OSMR: variants seen among roughly 807,000 people sequenced by gnomAD.
OSMR encodes oncostatin-M-specific receptor subunit beta.
Under a neutral mutation model 99.9 loss-of-function variants are expected in OSMR, and 81 were observed. The ratio of observed to expected loss-of-function variants is 0.81; its 90% confidence interval spans 0.68 to 0.97. The LOEUF is 0.97. Ranked by LOEUF, OSMR falls within the 50% of genes least tolerant of loss-of-function variation. The probability of loss-of-function intolerance (pLI) is 0.00; values close to 1 mark genes in which losing one functional copy is unlikely to be tolerated. For synonymous variants in OSMR, 406 were observed against 410.4 expected, an observed-to-expected ratio of 0.99 and a Z score of 0.13; for missense variants, 1,099 against 1,153.4, an observed-to-expected ratio of 0.95 and a Z score of 0.68.
intron 12 of OSMR, among the ~76,000 whole-genome samples, chr5:38,922,583 T>C (rs908102035): frequency 1.2e-4 from 18 of 152,232 alleles, no homozygotes; most frequent in African/African-American, 3.9e-4. Flanking sequence ...ACAGGCATAG[T>C]TGAGAACTCT....
Position 38,934,349 on chromosome 5 carries a change from T to G in OSMR, c.*905T>G, listed in dbSNP as rs1746918848. ...TAGGTTGTCTGGGTCAAGATAACTC[T>G]CAGTCACATTTATATTCATATTATG... On this transcript the variant is annotated 3_prime_UTR_variant, in exon 18 of 18. Coordinates refer to ENST00000274276, the MANE Select transcript of OSMR (RefSeq NM_003999.3). 1 of 152,448 alleles carries G rather than the reference T, an allele frequency of 6.6e-6. No homozygotes were observed. The highest frequency in any genetic ancestry group is 2.1e-4 in the South Asian group (1 of 4,830). The allele number at this position is 152,448 out of a possible 1,614,324, so 9.4% of individuals were successfully genotyped here.
At chr5:38,886,354 C>T (rs559194029) in intron 7 of OSMR, 164 bp downstream of exon 7, 41 of 1,443,716 alleles carry the variant, frequency 2.8e-5, no homozygotes, top group East Asian at 1.2e-4. Flanking sequence ...CATGGATGCA[C>T]GCATCCCCTA....
intron 7 of OSMR, among the ~76,000 whole-genome samples, chr5:38,889,157 T>C (rs574163027): frequency 6.6e-6 from 1 of 152,250 alleles, no homozygotes; most frequent in African/African-American, 2.4e-5. Flanking sequence ...TCTAGGTTGA[T>C]GTGTTCAGTA....
chr5:38,923,209 A>T lies in OSMR; in HGVS notation c.1825A>T (p.Ile609Phe). ...FRIYGLSTKR[I>F]ACLLEKKTGY... ...AATTTATGGGTTATCTACAAAAAGGATTGCTTGTTTATTAGAGAAAAAAAC... is the reference window on the plus strand; with the variant it reads ...AATTTATGGGTTATCTACAAAAAGGTTTGCTTGTTTATTAGAGAAAAAAAC... The change falls in exon 13 of 18, where the codon ATT (isoleucine) becomes TTT (phenylalanine). Residue 609 changes from isoleucine (I) to phenylalanine (F), a missense_variant. Transcript: ENST00000274276. 1.2e-6 allele frequency: 2 copies of T among 1,612,954 alleles called. No individual in the cohort carries two copies. Among genetic ancestry groups the T allele is most frequent in the South Asian group, 1.1e-5 (1 of 91,032 alleles).
intron 3 of OSMR, among the ~76,000 whole-genome samples, chr5:38,881,278 A>C (rs1215249915): frequency 6.6e-6 from 1 of 152,062 alleles, no homozygotes; most frequent in African/African-American, 2.4e-5. Context: ...TGGCACAGTG[A>C]GCACCTTCTG....
chr5:38,885,910 T>C, intron 6 of OSMR, 129 bp from the exon 7 acceptor site: 1 of 1,477,024 alleles, frequency 6.8e-7, no homozygotes, highest in Non-Finnish European at 8.9e-7. Context: ...TGGTGATGGA[T>C]GGATCAATGC....
intron 1 of OSMR, among the ~76,000 whole-genome samples, chr5:38,848,806 CT>C (rs1378253713): frequency 6.6e-6 from 1 of 152,162 alleles, no homozygotes; most frequent in Non-Finnish European, 1.5e-5. Context: ...GATGGTCTCA[CT>C]CTGTCACACA....
intron 1 of OSMR, among the ~76,000 whole-genome samples, chr5:38,854,289 C>G (rs1472686133): frequency 6.6e-6 from 1 of 152,174 alleles, no homozygotes; most frequent in Non-Finnish European, 1.5e-5. Flanking sequence ...CACGCTGCTT[C>G]TCATGGGCAT....
At chr5:38,901,907 G>T (rs1279668224) in intron 7 of OSMR, among the ~76,000 whole-genome samples, 1 of 152,114 alleles carries the variant, frequency 6.6e-6, no homozygotes, top group East Asian at 1.9e-4. Context: ...ACTCAAAGAG[G>T]CCTACCAGCT....
intron 1 of OSMR, among the ~76,000 whole-genome samples, chr5:38,854,184 T>C (rs1391397843): frequency 6.6e-6 from 1 of 152,188 alleles, no homozygotes; most frequent in Non-Finnish European, 1.5e-5. Flanking sequence ...GCTTCTTCCT[T>C]TAAAATGGCA....
chr5:38,935,645 T>C (rs1746983442), downstream of OSMR: 1 of 152,218 alleles, frequency 6.6e-6, no homozygotes, highest in Non-Finnish European at 1.5e-5. Flanking sequence ...ATCATCACAT[T>C]GTGTTTTATC....
chr5:38,910,023 A>T (rs924381333), intron 9 of OSMR, among the ~76,000 whole-genome samples: 3 of 152,250 alleles, frequency 2.0e-5, no homozygotes, highest in African/African-American at 7.2e-5. Flanking sequence ...AAGTAAAGGG[A>T]TGCAGAAAAA....
intron 9 of OSMR, among the ~76,000 whole-genome samples, chr5:38,910,671 G>A (rs887082095): frequency 6.6e-5 from 10 of 152,174 alleles, no homozygotes; most frequent in African/African-American, 2.4e-4. Context: ...TGAGAAGAAA[G>A]ATAACAATAT....
intron 1 of OSMR, among the ~76,000 whole-genome samples, chr5:38,942,549 C>T (rs1261021696): frequency 2.0e-5 from 3 of 149,108 alleles, no homozygotes; most frequent in Non-Finnish European, 4.4e-5. Context: ...GTCCTGGGTT[C>T]ATATGATCCT....
chr5:38,942,359 G>A (rs2112778051), intron 1 of OSMR: 1 of 1,593,708 alleles, frequency 6.3e-7, no homozygotes, highest in Non-Finnish European at 8.6e-7. Flanking sequence ...TGCCAACACA[G>A]CCTCTGCTTC....
chr5:38,921,824 G>T (rs111325744), intron 12 of OSMR, 30 bp downstream of exon 12: 1 of 1,554,586 alleles, frequency 6.4e-7, no homozygotes, highest in Non-Finnish European at 8.9e-7. Context: ...TCATCGCATT[G>T]CTATATTCAC....
chr5:38,893,930 A>G (rs918386946), intron 7 of OSMR, among the ~76,000 whole-genome samples: 1 of 152,140 alleles, frequency 6.6e-6, no homozygotes, highest in Non-Finnish European at 1.5e-5. Context: ...CTAGAGAAAA[A>G]GGTCAGATCA....
rs191645741 is a variant in OSMR at position 38,923,315 on chromosome 5, C to G, written c.1870+61C>G. Reference sequence around the variant, plus strand: ...ACTTGTTCAGAACAATTCATAGATTCCTAGCTTTGGGTTTAGGAAGCTGTC... The same window carrying G: ...ACTTGTTCAGAACAATTCATAGATTGCTAGCTTTGGGTTTAGGAAGCTGTC... On this transcript the variant is annotated intron_variant, in intron 13 of 17. Transcript: ENST00000274276. The G allele has an allele frequency of 1.2e-3, 1,363 of 1,094,136 alleles. 2 individuals carry two copies. Among genetic ancestry groups the G allele is most frequent in the Middle Eastern group, 6.9e-3 (35 of 5,098 alleles). The allele number at this position is 1,094,136 out of a possible 1,614,324, so 67.8% of individuals were successfully genotyped here.
chr5:38,868,968 C>A (rs754389246), intron 1 of OSMR, 64 bp from the exon 2 acceptor site: 1 of 1,574,044 alleles, frequency 6.4e-7, no homozygotes, highest in South Asian at 1.2e-5. Context: ...ACAATTGGCT[C>A]GAAGAAATTT....
Sources: allele counts gnomAD v4.1 joint callset (sites outside exome capture counted in the v4.1 genomes callset), GRCh38; gene constraint gnomAD v4.1.1; transcripts MANE v1.5; gene names NCBI Gene and HGNC (gene_info 2026-07-23, HGNC 2026-07-21).